Variants in NEBL observed in about 807,000 individuals in gnomAD.
NEBL encodes the protein LIM and SH3 protein 2.
In NEBL, 122 loss-of-function variants were observed where a neutral mutation model predicts 140.2. The ratio of observed to expected loss-of-function variants is 0.87; its 90% CI spans 0.75 to 1.01. The LOEUF is 1.01. Among genes scored for constraint, NEBL ranks in the 50% least tolerant of loss-of-function variants. NEBL has a pLI of 0.00. For missense variants in NEBL, 1,365 were observed against 1,231.3 expected (o/e 1.11, Z -1.62); for synonymous variants, 436 against 398.9 (o/e 1.09, Z -1.11).
At chr10:21,062,392 G>A (rs572786880) in intron 2 of NEBL, among the ~76,000 whole-genome samples, 1 of 152,252 alleles carries the variant, frequency 6.6e-6, no homozygotes, top group Admixed American at 6.5e-5. Context: ...CTGGTGTAGT[G>A]GCTCTCGCCT....
intron 3 of NEBL, among the ~76,000 whole-genome samples, chr10:21,224,877 G>C (rs1842123066): frequency 6.6e-6 from 1 of 152,138 alleles, no homozygotes; most frequent in African/African-American, 2.4e-5. Context: ...TACTAAATTT[G>C]TTTATCATCT....
At chr10:20,926,701 C>T (rs1392932051) in intron 4 of NEBL, among the ~76,000 whole-genome samples, 14 of 152,142 alleles carry the variant, frequency 9.2e-5, no homozygotes, top group Admixed American at 7.2e-4. Flanking sequence ...GAGAGTGTGT[C>T]GTCTCGCATT....
chr10:20,831,221 T>C lies in NEBL; in HGVS notation c.1646A>G (p.Lys549Arg). 8.1e-6 allele frequency: 13 copies of C among 1,613,376 alleles called. No homozygotes were observed. The highest frequency in any genetic ancestry group is 3.3e-5 in the Admixed American group (2 of 59,978). ...SMDIPDILRA[K>R]RTSEIYSQRK... ...CTGGCTATAGATTTCAGATGTCCTC[T>C]TGGCTCGAAGGATATCTGGGATATC... is the stretch of plus-strand genomic sequence containing the variant. The change falls in exon 16 of 28, where the codon AAG (lysine) becomes AGG (arginine). Residue 549 changes from lysine (K) to arginine (R), a missense_variant. Lys to Arg is a conservative substitution (Grantham distance 26, BLOSUM62 2). This residue lies in a region of NEBL where 1,323 missense variants were observed against 1,154.8 expected (regional missense o/e 1.15). Transcript: ENST00000377122.
chr10:21,152,736 A>C (rs1366589307), intron 2 of NEBL, among the ~76,000 whole-genome samples: 1 of 152,210 alleles, frequency 6.6e-6, no homozygotes, highest in Non-Finnish European at 1.5e-5. Context: ...GAACCTCAGA[A>C]CAGTAATTTA....
chr10:20,956,565 T>G (rs897325073), intron 4 of NEBL, among the ~76,000 whole-genome samples: 1 of 152,166 alleles, frequency 6.6e-6, no homozygotes, highest in Non-Finnish European at 1.5e-5. Flanking sequence ...ATCGTCTATG[T>G]TAATCAACCC....
intron 2 of NEBL, among the ~76,000 whole-genome samples, chr10:20,893,437 G>A (rs1847193898): frequency 6.6e-6 from 1 of 152,178 alleles, no homozygotes. Flanking sequence ...TGTTCTTCAA[G>A]ACTGGGAAGT....
chr10:21,083,417 G>A (rs528959029), intron 2 of NEBL, among the ~76,000 whole-genome samples: 1 of 152,132 alleles, frequency 6.6e-6, no homozygotes, highest in African/African-American at 2.4e-5. Flanking sequence ...GCAATGATCT[G>A]TTCAAGGGGT....
At chr10:21,140,933 A>G (rs950002222) in intron 2 of NEBL, among the ~76,000 whole-genome samples, 1 of 151,944 alleles carries the variant, frequency 6.6e-6, no homozygotes, top group African/African-American at 2.4e-5. Flanking sequence ...TGTTCTGCAC[A>G]TGTTTCCCAG....
intron 6 of NEBL, 26 bp downstream of exon 6, chr10:20,869,714 G>T: frequency 1.3e-6 from 2 of 1,494,090 alleles, no homozygotes; most frequent in Non-Finnish European, 9.3e-7. Context: ...AATCATTTCC[G>T]TTCAAGGTTT....
chr10:20,920,353 C>T (rs1833521576), intron 4 of NEBL, among the ~76,000 whole-genome samples: 1 of 152,190 alleles, frequency 6.6e-6, no homozygotes, highest in African/African-American at 2.4e-5. Flanking sequence ...CAAGACTATT[C>T]ATTACAATAC....
intron 2 of NEBL, among the ~76,000 whole-genome samples, chr10:21,110,086 T>C (rs887794681): frequency 2.6e-5 from 4 of 152,144 alleles, no homozygotes; most frequent in African/African-American, 7.2e-5. Flanking sequence ...GTTCTTTTAA[T>C]TGTGATGTTA....
chr10:20,865,269 T>C (rs1471701487), intron 7 of NEBL, among the ~76,000 whole-genome samples: 2 of 152,146 alleles, frequency 1.3e-5, no homozygotes, highest in Non-Finnish European at 2.9e-5. Context: ...CCTATGAAAT[T>C]ATGTCATGTT....
intron 3 of NEBL, among the ~76,000 whole-genome samples, chr10:21,188,776 G>A (rs1841522676): frequency 6.6e-6 from 1 of 151,992 alleles, no homozygotes; most frequent in South Asian, 2.1e-4. Flanking sequence ...TTTTAGTAGA[G>A]ATGGGGTTTC....
intron 1 of NEBL, among the ~76,000 whole-genome samples, chr10:21,255,646 T>C (rs1255954240): frequency 1.3e-5 from 2 of 152,136 alleles, no homozygotes; most frequent in African/African-American, 4.8e-5. Context: ...CATCAAAGAA[T>C]ATTCCCCCTT....
rs534964235 is a variant in NEBL, at chr10:21,218,886, T to G, written n.348+29035A>C. 7.3e-4 allele frequency among the ~76,000 whole-genome samples: 111 copies of G among 152,380 alleles called. 1 individual carries two copies. The South Asian group carries it at 0.015, about 21-fold the overall frequency. On this transcript the variant is annotated intron_variant and non_coding_transcript_variant, in intron 3 of 8. Coordinates refer to the NEBL transcript ENST00000675702. ...GGGTTATTTTCGTAAAATCTGTTTA[T>G]GCACATTCATTTTGCTGACCCTCCA...
At chr10:21,017,769 A>C (rs1375265552) in intron 3 of NEBL, among the ~76,000 whole-genome samples, 2 of 151,476 alleles carry the variant, frequency 1.3e-5, no homozygotes, top group Admixed American at 1.3e-4. Context: ...CTCCATTCAA[A>C]TCTCACATCT....
chr10:21,283,848 G>C (rs1843022167), intron 1 of NEBL, among the ~76,000 whole-genome samples: 1 of 151,880 alleles, frequency 6.6e-6, no homozygotes, highest in Non-Finnish European at 1.5e-5. Context: ...GAGCAGCATG[G>C]GTTTATTTTA....
intron 26 of NEBL, among the ~76,000 whole-genome samples, chr10:20,803,834 T>C (rs1001507200): frequency 2.7e-5 from 4 of 148,168 alleles, no homozygotes; most frequent in African/African-American, 9.9e-5. Flanking sequence ...TATATATATA[T>C]ATATGCACAC....
chr10:20,805,452 A>C (rs894790669), intron 26 of NEBL, among the ~76,000 whole-genome samples: 2 of 152,154 alleles, frequency 1.3e-5, no homozygotes, highest in Admixed American at 6.6e-5. Flanking sequence ...CTTTTGCTTC[A>C]TACCCCAATA....
Sources: gnomAD v4.1 joint callset for allele counts (sites outside exome capture counted in the v4.1 genomes callset) on GRCh38, gnomAD v4.1.1 for gene constraint, gnomAD v4.1.1 regional missense constraint, MANE v1.5 for transcripts, NCBI Gene and HGNC (gene_info 2026-07-23, HGNC 2026-07-21) for gene names.